CNTNAP5: variants seen among roughly 807,000 people sequenced by gnomAD.
CNTNAP5 encodes contactin associated protein family member 5, also known as contactin-associated protein-like 5.
A neutral mutation model predicts 150.2 loss-of-function variants in CNTNAP5; 72 were observed. The observed-to-expected ratio is 0.48, with a 90% confidence interval of 0.40 to 0.58. The LOEUF is 0.58. Ranked by LOEUF, CNTNAP5 falls within the 20% of genes least tolerant of loss-of-function variation. CNTNAP5 has a pLI of 0.00. For synonymous variants in CNTNAP5, 672 were observed against 619.8 expected (o/e 1.08, Z -1.25); for missense variants, 1,636 against 1,626.2 (o/e 1.01, Z -0.10).
intron 21 of CNTNAP5, among the ~76,000 whole-genome samples, chr2:124,889,081 T>TC (rs1678140233): frequency 7.5e-6 from 1 of 133,624 alleles, no homozygotes; most frequent in African/African-American, 3.0e-5. Flanking sequence ...GGTCTAGCTT[T>TC]TTTTTTTTTT....
intron 3 of CNTNAP5, among the ~76,000 whole-genome samples, chr2:124,271,476 G>A (rs1687750166): frequency 6.6e-6 from 1 of 152,108 alleles, no homozygotes; most frequent in Admixed American, 6.6e-5. Flanking sequence ...GATGTAACAG[G>A]ATGAATGTGT....
At chr2:124,136,022 G>A (rs951285280) in intron 1 of CNTNAP5, among the ~76,000 whole-genome samples, 2 of 152,190 alleles carry the variant, frequency 1.3e-5, no homozygotes, top group Non-Finnish European at 2.9e-5. Flanking sequence ...AGCAGATGAG[G>A]AATGTTGAAG....
At chr2:124,073,585 G>A (rs973097164) in intron 1 of CNTNAP5, among the ~76,000 whole-genome samples, 4 of 151,988 alleles carry the variant, frequency 2.6e-5, no homozygotes, top group Non-Finnish European at 5.9e-5. Flanking sequence ...CATATGAAAA[G>A]GTGCTCAGCA....
Position 124,632,391 on chromosome 2 carries a change from A to T in CNTNAP5, c.1877-15367A>T, listed in dbSNP as rs117990738. Reference sequence around the variant, plus strand: ...TGCAGCAATAAAAAGAAACGAGATCATGTCCTTTGCAGGGACACGAATGAA... The same window carrying T: ...TGCAGCAATAAAAAGAAACGAGATCTTGTCCTTTGCAGGGACACGAATGAA... On this transcript the variant is annotated intron_variant, in intron 12 of 23. Transcript: ENST00000682447. 1.6e-4 allele frequency among the ~76,000 whole-genome samples: 24 copies of T among 152,346 alleles called. No homozygotes were observed. The East Asian group carries it at 2.9e-3, about 18-fold the overall frequency.
chr2:124,724,581 A>C (rs1680117574), intron 13 of CNTNAP5, among the ~76,000 whole-genome samples: 1 of 152,026 alleles, frequency 6.6e-6, no homozygotes, highest in African/African-American at 2.4e-5. Context: ...TAAAAGTCTG[A>C]AGACACAGTT....
At chr2:124,426,134 A>T (rs1301844389) in intron 4 of CNTNAP5, among the ~76,000 whole-genome samples, 5 of 151,292 alleles carry the variant, frequency 3.3e-5, no homozygotes, top group Non-Finnish European at 7.4e-5. Context: ...TACGACTGGA[A>T]TTCAGAGTTT....
chr2:124,828,962 G>A (rs957714172), intron 19 of CNTNAP5, among the ~76,000 whole-genome samples: 3 of 151,930 alleles, frequency 2.0e-5, no homozygotes, highest in African/African-American at 7.3e-5. Context: ...TTGCTCACAA[G>A]TGACATCAAA....
At position 124,397,887 on chromosome 2, in the gene CNTNAP5, C is replaced by T. The variant is rs777215934; in HGVS notation, c.382-19556C>T. Among the ~76,000 whole-genome samples, 7 of 152,260 alleles carry T rather than the reference C, an allele frequency of 4.6e-5. No homozygotes were observed. In the East Asian group the frequency reaches 5.8e-4, roughly 13 times the overall value. On this transcript the variant is annotated intron_variant, in intron 3 of 23. Transcript: ENST00000682447. ...GCACGTGAAATGAAGAATGAAAAAT[C>T]GCAACTTTGTAGAGCCACCAGCAAA...
At chr2:124,613,604 A>G (rs2104988192) in intron 12 of CNTNAP5, among the ~76,000 whole-genome samples, 1 of 152,312 alleles carries the variant, frequency 6.6e-6, no homozygotes, top group East Asian at 1.9e-4. Context: ...TTTCCATTGT[A>G]GAAAGCAATA....
At chr2:124,336,942 A>T (rs1177516839) in intron 3 of CNTNAP5, among the ~76,000 whole-genome samples, 1 of 152,168 alleles carries the variant, frequency 6.6e-6, no homozygotes, top group Non-Finnish European at 1.5e-5. Flanking sequence ...TCCCTGAGGA[A>T]TCGCCACACT....
At chr2:124,756,726 A>G (rs1236116543) in intron 14 of CNTNAP5, among the ~76,000 whole-genome samples, 1 of 152,044 alleles carries the variant, frequency 6.6e-6, no homozygotes, top group Admixed American at 6.6e-5. Context: ...GAACACATGA[A>G]CATATCGGGG....
intron 18 of CNTNAP5, among the ~76,000 whole-genome samples, chr2:124,793,677 G>C (rs1283073578): frequency 6.6e-6 from 1 of 152,074 alleles, no homozygotes; most frequent in African/African-American, 2.4e-5. Context: ...GATGCATTAT[G>C]AGTGAATTTT....
intron 19 of CNTNAP5, among the ~76,000 whole-genome samples, chr2:124,800,453 C>T (rs1681944033): frequency 6.6e-6 from 1 of 152,142 alleles, no homozygotes; most frequent in African/African-American, 2.4e-5. Context: ...TACTTCTCAT[C>T]ACAACCCTGT....
intron 13 of CNTNAP5, among the ~76,000 whole-genome samples, chr2:124,714,163 T>C (rs1679897426): frequency 6.6e-6 from 1 of 152,114 alleles, no homozygotes; most frequent in Admixed American, 6.6e-5. Context: ...GTTTGCCTTC[T>C]CAAGAGTCGC....
chr2:124,587,472 G>A (rs1284186546), intron 11 of CNTNAP5, among the ~76,000 whole-genome samples: 1 of 152,192 alleles, frequency 6.6e-6, no homozygotes, highest in East Asian at 1.9e-4. Flanking sequence ...TGGAGTCCAA[G>A]ATAAGGTATA....
At chr2:124,727,682 G>A (rs115357391) in intron 13 of CNTNAP5, among the ~76,000 whole-genome samples, 2,508 of 151,996 alleles carry the variant, frequency 0.017, 84 homozygotes, top group African/African-American at 0.057. Context: ...CAACTTTACC[G>A]AATTCATCTA....
At chr2:124,355,317 T>C (rs1420632522) in intron 3 of CNTNAP5, among the ~76,000 whole-genome samples, 4 of 152,256 alleles carry the variant, frequency 2.6e-5, no homozygotes, top group East Asian at 3.9e-4. Context: ...ATGTTTGCCA[T>C]TGGTAGAAAT....
rs139508042 is a variant in CNTNAP5, at chr2:124,514,928, T to C, written c.1328-9375T>C. Among the ~76,000 whole-genome samples the C allele has an allele frequency of 3.9e-5, 6 of 152,304 alleles. No homozygotes were observed. The East Asian group carries it at 7.7e-4, about 20-fold the overall frequency. On this transcript the variant is annotated intron_variant, in intron 8 of 23. Coordinates refer to ENST00000682447, the MANE Select transcript of CNTNAP5 (RefSeq NM_001367498.1). Reference sequence around the variant, plus strand: ...GGAGAGAATAGGGAAATAACTCTCTTGAGTTTAGCTTAATGGTTAGCGTGT... The same window carrying C: ...GGAGAGAATAGGGAAATAACTCTCTCGAGTTTAGCTTAATGGTTAGCGTGT...
intron 1 of CNTNAP5, among the ~76,000 whole-genome samples, chr2:124,165,631 A>G (rs1413977898): frequency 6.6e-6 from 1 of 152,166 alleles, no homozygotes; most frequent in Non-Finnish European, 1.5e-5. Context: ...AACACATTTC[A>G]CATCAAAGAC....
Sources: gnomAD v4.1 joint callset for allele counts (sites outside exome capture counted in the v4.1 genomes callset) on GRCh38, gnomAD v4.1.1 for gene constraint, MANE v1.5 for transcripts, NCBI Gene and HGNC (gene_info 2026-07-23, HGNC 2026-07-21) for gene names.